The following VPS41 variants were observed in gnomAD, a reference collection of about 807,000 sequenced individuals.
VPS41 encodes the protein vacuolar protein sorting-associated protein 41 homolog.
Under a neutral mutation model 130.9 loss-of-function variants are expected in VPS41, and 85 were observed. The ratio of observed to expected loss-of-function variants is 0.65; its 90% CI spans 0.55 to 0.78. VPS41 has a LOEUF of 0.78. Among genes scored for constraint, VPS41 ranks in the 30% least tolerant of loss-of-function variants. VPS41 has a pLI of 0.00. For synonymous variants in VPS41, 335 were observed against 332.9 expected, an observed-to-expected ratio of 1.01 and a Z score of -0.07; for missense variants, 874 against 1,018.7, an observed-to-expected ratio of 0.86 and a Z score of 1.93.
chr7:38,895,699 T>C (rs1786970799), intron 2 of VPS41, among the ~76,000 whole-genome samples: 2 of 152,168 alleles, frequency 1.3e-5, no homozygotes, highest in Non-Finnish European at 2.9e-5. Context: ...CTTAATTTCC[T>C]CTGCTTTGTC....
intron 6 of VPS41, 134 bp downstream of exon 6, chr7:38,821,069 C>A: frequency 1.5e-6 from 1 of 659,746 alleles, no homozygotes; most frequent in Non-Finnish European, 2.7e-6. Flanking sequence ...TAAATAGTAT[C>A]CAGTACATCT....
chr7:38,723,928 T>C lies in VPS41; in HGVS notation c.*2318A>G, dbSNP rs959797421. On this transcript the variant is annotated 3_prime_UTR_variant, in exon 29 of 29. Transcript: ENST00000310301. ...ATAGGTTGATGAAAAGTAAAAAGGA[T>C]TGAATATCCTTTAATAAATCACCCA... 6.6e-6 allele frequency: 1 copy of C among 152,034 alleles called. No individual in the cohort carries two copies. The highest frequency in any genetic ancestry group is 2.4e-5 in the African/African-American group (1 of 41,398). 9.4% of individuals were successfully genotyped at this position (152,034 alleles called of 1,614,324 possible).
chr7:38,909,092 C>T, intron 1 of VPS41, 62 bp downstream of exon 1: 1 of 1,606,358 alleles, frequency 6.2e-7, no homozygotes, highest in Non-Finnish European at 8.5e-7. Context: ...CTCCACCCTC[C>T]CCAAACAGCC....
At position 38,726,001 on chromosome 7, in the gene VPS41, C is replaced by G. The variant is rs2115557692; in HGVS notation, c.*245G>C. On this transcript the variant is annotated 3_prime_UTR_variant, in exon 29 of 29. Transcript: ENST00000310301. ...TTTCCATTACTATATAAAGAATGAG[C>G]CAAACAAATAAATAACAAAATATTC... The G allele has an allele frequency of 2.3e-6, 1 of 441,276 alleles. No homozygotes were observed. Among genetic ancestry groups the G allele is most frequent in the African/African-American group, 2.0e-5 (1 of 50,488 alleles). 27.3% of individuals were successfully genotyped at this position (441,276 alleles called of 1,614,324 possible).
In VPS41 at chr7:38,862,622, A is replaced by T; in HGVS notation, c.169T>A (p.Phe57Ile). Residue 57 changes from phenylalanine to isoleucine, a missense_variant and splice_region_variant, in exon 4 of 29, where the codon TTT becomes ATT. Physicochemically the swap from Phe to Ile is conservative, Grantham distance 21. Transcript: ENST00000310301. The stretch of plus-strand genomic sequence containing the variant: ...CCATAATGTGTGCCCAATGCCAAAA[A>T]CTGTAAGAAGAACAAAGAGGCCAGT... ...AASCMTVHDK[F>I]LALGTHYGKV... The T allele has an allele frequency of 6.2e-7, 1 of 1,600,110 alleles. No homozygotes were observed. The highest frequency in any genetic ancestry group is 1.1e-5 in the South Asian group (1 of 89,070).
chr7:38,876,229 T>A (rs1036552483), intron 2 of VPS41, among the ~76,000 whole-genome samples: 1 of 152,136 alleles, frequency 6.6e-6, no homozygotes, highest in Non-Finnish European at 1.5e-5. Context: ...GGTTGAAAAA[T>A]TCTGGATTAA....
intron 7 of VPS41, among the ~76,000 whole-genome samples, chr7:38,808,061 AT>A (rs949139162): frequency 3.3e-5 from 5 of 152,130 alleles, no homozygotes; most frequent in Admixed American, 2.6e-4. Context: ...AAAAAAGTAT[AT>A]TTTTTAACAG....
intron 4 of VPS41, among the ~76,000 whole-genome samples, chr7:38,834,226 T>C (rs991686308): frequency 6.6e-6 from 1 of 152,164 alleles, no homozygotes; most frequent in African/African-American, 2.4e-5. Context: ...AGCTCTCCCT[T>C]TGTTATCTTT....
intron 22 of VPS41, among the ~76,000 whole-genome samples, chr7:38,751,129 T>C (rs1172405447): frequency 1.3e-5 from 2 of 152,184 alleles, no homozygotes; most frequent in Non-Finnish European, 2.9e-5. Context: ...TTTCAATAAT[T>C]GTGGACTTTA....
At chr7:38,816,248 C>T (rs1785046756) in intron 7 of VPS41, among the ~76,000 whole-genome samples, 1 of 152,036 alleles carries the variant, frequency 6.6e-6, no homozygotes, top group Non-Finnish European at 1.5e-5. Context: ...TAACAATGGG[C>T]TGTGAGATGG....
chr7:38,908,439 T>C (rs1180712869), intron 1 of VPS41, among the ~76,000 whole-genome samples: 1 of 152,236 alleles, frequency 6.6e-6, no homozygotes, highest in East Asian at 1.9e-4. Context: ...TTGCCAGTTG[T>C]TGACTGGATA....
intron 9 of VPS41, among the ~76,000 whole-genome samples, chr7:38,793,445 C>T (rs1317964699): frequency 6.6e-6 from 1 of 152,152 alleles, no homozygotes; most frequent in East Asian, 1.9e-4. Context: ...CTGAGAAGTG[C>T]TCAACATATA....
At chr7:38,874,023 T>C (rs1451547423) in intron 2 of VPS41, among the ~76,000 whole-genome samples, 1 of 152,226 alleles carries the variant, frequency 6.6e-6, no homozygotes, top group Non-Finnish European at 1.5e-5. Flanking sequence ...AAGAATATTT[T>C]ACATTTCTTT....
At chr7:38,857,735 G>A (rs902023534) in intron 4 of VPS41, among the ~76,000 whole-genome samples, 5 of 152,168 alleles carry the variant, frequency 3.3e-5, no homozygotes, top group Admixed American at 1.3e-4. Context: ...CAAATGTAAG[G>A]ACCATGACCC....
At chr7:38,780,989 T>C (rs1784345976) in intron 10 of VPS41, among the ~76,000 whole-genome samples, 1 of 152,142 alleles carries the variant, frequency 6.6e-6, no homozygotes, top group African/African-American at 2.4e-5. Context: ...TCCACCATGA[T>C]TTAAGTTTCC....
chr7:38,902,243 G>C (rs982263502), intron 1 of VPS41, among the ~76,000 whole-genome samples: 1 of 152,126 alleles, frequency 6.6e-6, no homozygotes, highest in Non-Finnish European at 1.5e-5. Context: ...GCTCCAGCCT[G>C]AAGAATAGCT....
rs373532622 is a variant in VPS41, at chr7:38,886,300, A to G, written c.60+11791T>C. On this transcript the variant is annotated intron_variant, in intron 2 of 28. Coordinates refer to ENST00000310301, the MANE Select transcript of VPS41 (RefSeq NM_014396.4). Reference sequence around the variant, plus strand: ...AGGAACGGTATACTCCTGCCCAAATACTGTGCTTTTCCCACGGTCTTTGCA... The same window carrying G: ...AGGAACGGTATACTCCTGCCCAAATGCTGTGCTTTTCCCACGGTCTTTGCA... Among the ~76,000 whole-genome samples the G allele has an allele frequency of 3.3e-5, 5 of 152,270 alleles. 1 individual carries two copies. The highest frequency in any genetic ancestry group is 1.9e-4 in the East Asian group (1 of 5,166).
chr7:38,828,532 T>G (rs138085261), intron 5 of VPS41, among the ~76,000 whole-genome samples: 1 of 152,138 alleles, frequency 6.6e-6, no homozygotes, highest in African/African-American at 2.4e-5. Context: ...TGGAATGTGT[T>G]TGTGTAATGT....
intron 7 of VPS41, among the ~76,000 whole-genome samples, chr7:38,813,100 C>T (rs1281206397): frequency 1.3e-5 from 2 of 151,954 alleles, no homozygotes; most frequent in African/African-American, 4.8e-5. Context: ...TCATAATAGC[C>T]AAAAAGTAGA....
Sources: allele counts gnomAD v4.1 joint callset (sites outside exome capture counted in the v4.1 genomes callset), GRCh38; gene constraint gnomAD v4.1.1; transcripts MANE v1.5; gene names NCBI Gene and HGNC (gene_info 2026-07-23, HGNC 2026-07-21).